MAPK8IP3: variants seen among roughly 807,000 people sequenced by gnomAD.
MAPK8IP3 encodes the protein C-Jun-amino-terminal kinase-interacting protein 3.
In MAPK8IP3, 49 loss-of-function variants were observed where a neutral mutation model predicts 157.8. That is an observed-to-expected ratio of 0.31 (90% CI 0.25 to 0.39). MAPK8IP3 has a LOEUF of 0.39. MAPK8IP3 is among the 10% of genes least tolerant of loss of function. MAPK8IP3 has a pLI of 1.00. For missense variants in MAPK8IP3, 1,478 were observed against 1,889.4 expected (o/e 0.78, Z 4.04); for synonymous variants, 897 against 777.7 (o/e 1.15, Z -2.55).
intron 8 of MAPK8IP3, among the ~76,000 whole-genome samples, chr16:1,755,636 C>T (rs1199926357): frequency 6.6e-6 from 1 of 151,950 alleles, no homozygotes; most frequent in East Asian, 1.9e-4. Flanking sequence ...ATCACGAGGT[C>T]AAGAGATCGA....
At chr16:1,739,454 G>A (rs1353030783) in intron 4 of MAPK8IP3, among the ~76,000 whole-genome samples, 17 of 135,334 alleles carry the variant, frequency 1.3e-4, no homozygotes, top group Admixed American at 2.9e-4. Flanking sequence ...GTGACCGTCC[G>A]TGTGAGCTTC....
chr16:1,712,320 C>T (rs1199855881), intron 1 of MAPK8IP3, among the ~76,000 whole-genome samples: 1 of 151,948 alleles, frequency 6.6e-6, no homozygotes, highest in Non-Finnish European at 1.5e-5. Context: ...CTCGGCCTCC[C>T]AAAGTGCTGG....
chr16:1,753,271 CTT>C (rs932359123), intron 8 of MAPK8IP3, among the ~76,000 whole-genome samples: 3 of 152,056 alleles, frequency 2.0e-5, no homozygotes, highest in Admixed American at 2.0e-4. Context: ...AATTTTAAGA[CTT>C]TTTTGTTTGT....
chr16:1,732,884 C>T (rs1226911753), intron 4 of MAPK8IP3, among the ~76,000 whole-genome samples: 1 of 152,244 alleles, frequency 6.6e-6, no homozygotes, highest in African/African-American at 2.4e-5. Context: ...ACCTGGAGCA[C>T]CATGAGAACT....
At chr16:1,711,823 C>T (rs1320337862) in intron 1 of MAPK8IP3, among the ~76,000 whole-genome samples, 1 of 151,742 alleles carries the variant, frequency 6.6e-6, no homozygotes, top group African/African-American at 2.4e-5. Flanking sequence ...ACCTGTACTC[C>T]CAGCTACTTG....
rs577286680 is a variant in MAPK8IP3, at chr16:1,750,159, T to C, written c.1216+1439T>C. ...ATCCTGCTAAATAGGGGTAATCTCT[T>C]TTAATATTTTGCTATCCTTCCACTC... On this transcript the variant is annotated intron_variant, in intron 8 of 31. Coordinates refer to ENST00000610761, the MANE Select transcript of MAPK8IP3 (RefSeq NM_001318852.2). Among the ~76,000 whole-genome samples the C allele has an allele frequency of 1.2e-4, 19 of 152,334 alleles. No individual in the cohort carries two copies. In the South Asian group the frequency reaches 3.1e-3, roughly 25 times the overall value.
At chr16:1,732,060 C>T (rs2039351670) in intron 4 of MAPK8IP3, among the ~76,000 whole-genome samples, 1 of 152,156 alleles carries the variant, frequency 6.6e-6, no homozygotes, top group Non-Finnish European at 1.5e-5. Flanking sequence ...GCTGCAGGCC[C>T]CAGGGAGCAG....
intron 4 of MAPK8IP3, among the ~76,000 whole-genome samples, chr16:1,739,411 AGCATCCCT>A (rs1437049909): frequency 4.9e-5 from 6 of 123,322 alleles, no homozygotes; most frequent in Admixed American, 1.7e-4. Flanking sequence ...CGTCCATGTG[AGCATCCCT>A]GTGACCGTCC....
At chr16:1,761,148 GC>G in intron 12 of MAPK8IP3, 75 bp from the exon 13 acceptor site, 1 of 1,166,560 alleles carries the variant, frequency 8.6e-7, no homozygotes, top group Non-Finnish European at 1.3e-6. Context: ...CAGGTTCGGG[GC>G]GGGCACTGCC....
chr16:1,768,048 A>C (rs776686240), intron 28 of MAPK8IP3, 21 bp from the exon 29 acceptor site: 2 of 1,612,044 alleles, frequency 1.2e-6, no homozygotes, highest in Non-Finnish European at 1.7e-6. Flanking sequence ...CTCTTCTCCC[A>C]TGCTCCTCCC....
At position 1,710,623 on chromosome 16, in the gene MAPK8IP3, G is replaced by T. The variant is rs1006689331; in HGVS notation, c.318+3966G>T. Among the ~76,000 whole-genome samples, 1 of 152,054 alleles carries T rather than the reference G, an allele frequency of 6.6e-6. No homozygotes were observed. Among genetic ancestry groups the T allele is most frequent in the African/African-American group, 2.4e-5 (1 of 41,392 alleles). On this transcript the variant is annotated intron_variant, in intron 1 of 31. Transcript: ENST00000610761. The surrounding 1 kb of genome is among the most constrained non-coding windows in gnomAD (Gnocchi z 4.1). ...TTTTCCTTCTTTTTTTCTCCTCTGC[G>T]CCAGACGATCTGCAGGAAGTCTTTT...
rs201201035 is a variant in MAPK8IP3, at chr16:1,768,283, C to T, written c.3647C>T (p.Ala1216Val). ...TATGGCGATGACAGCAGTGACAGGG[C>T]GGCCAGCAGCTTCATCCCCTACTGC... ...HVYGDDSSDR[A>V]ASSFIPYCSM... The change falls in exon 30 of 32, where the codon GCG becomes GTG. Residue 1216 changes from alanine (A) to valine (V), a missense_variant. Physicochemically the swap from Ala to Val is moderately conservative, Grantham distance 64. Around this residue, in one of 11 missense-constraint regions of MAPK8IP3, gnomAD observed 83 missense variants for 85.3 expected, o/e 0.97. Coordinates refer to ENST00000610761, the MANE Select transcript of MAPK8IP3 (RefSeq NM_001318852.2). The T allele has an allele frequency of 1.6e-5, 26 of 1,611,320 alleles. No individual in the cohort carries two copies. Among genetic ancestry groups the T allele is most frequent in the Admixed American group, 8.3e-5 (5 of 60,024 alleles).
rs746926041 is a variant in MAPK8IP3, at chr16:1,767,659, C to T, written c.3333C>T (p.Thr1111=). 7 of 1,612,768 alleles carry T rather than the reference C, an allele frequency of 4.3e-6. No individual in the cohort carries two copies. The highest frequency in any genetic ancestry group is 5.1e-6 in the Non-Finnish European group (6 of 1,179,980). ...GVWVSIRLDS[T]LRLYHAHTHQ... is the part of the protein sequence containing the mutation. ...GGGTGTCCATCCGCCTGGACTCCACCCTGAGGCTCTACCATGCACACACGC... is the reference window on the plus strand; with the variant it reads ...GGGTGTCCATCCGCCTGGACTCCACTCTGAGGCTCTACCATGCACACACGC... Residue 1111 remains threonine, a synonymous_variant, in exon 27 of 32, where the codon ACC becomes ACT. Transcript: ENST00000610761.
rs2037411570 is a variant in MAPK8IP3, at chr16:1,706,738, G to A, written c.318+81G>A. 1.0e-5 allele frequency: 13 copies of A among 1,297,564 alleles called. No individual in the cohort carries two copies. The highest frequency in any genetic ancestry group is 3.1e-5 in the South Asian group (2 of 63,550). 80.4% of individuals were successfully genotyped at this position (1,297,564 alleles called of 1,614,324 possible). The stretch of plus-strand genomic sequence containing the variant: ...GGGCCCCGGACCCAACACCCGTCCC[G>A]ACCCCAGACCCCGCTCCGGCACCCC... On this transcript the variant is annotated intron_variant, in intron 1 of 31. Coordinates refer to ENST00000610761, the MANE Select transcript of MAPK8IP3 (RefSeq NM_001318852.2). The surrounding 1 kb of genome is among the most constrained non-coding windows in gnomAD (Gnocchi z 5.1).
intron 9 of MAPK8IP3, 122 bp from the exon 10 acceptor site, chr16:1,758,856 C>G: frequency 9.7e-7 from 1 of 1,027,968 alleles, no homozygotes; most frequent in Non-Finnish European, 1.5e-6. Context: ...CCCAGCAGAC[C>G]CAGCTCTGAA....
chr16:1,737,073 CGT>C (rs1258271284), intron 4 of MAPK8IP3, among the ~76,000 whole-genome samples: 18 of 55,164 alleles, frequency 3.3e-4, no homozygotes, highest in Admixed American at 1.1e-3. Flanking sequence ...TCCGTGTGAG[CGT>C]GTGACCGTCC....
At chr16:1,760,699 C>T (rs533529591) in intron 12 of MAPK8IP3, among the ~76,000 whole-genome samples, 167 bp downstream of exon 12, 25 of 152,322 alleles carry the variant, frequency 1.6e-4, no homozygotes, top group African/African-American at 4.8e-4. Flanking sequence ...AGAGTGGGGC[C>T]GTGGTCTCCT....
rs928457770 is a variant in MAPK8IP3, at chr16:1,768,678, CGTCA to C, written c.3893-24_3893-21del. The C allele has an allele frequency of 3.1e-6, 5 of 1,611,290 alleles. No individual in the cohort carries two copies. The African/African-American group carries it at 6.7e-5, about 22-fold the overall frequency. On this transcript the variant is annotated intron_variant, in intron 31 of 31. Coordinates refer to ENST00000610761, the MANE Select transcript of MAPK8IP3 (RefSeq NM_001318852.2). ...AGGTTGGGCGCGGGGGGAGCCTGGC[CGTCA>C]CTCTGCTGCTTTGCCCGCAGGAGAC...
In MAPK8IP3 at chr16:1,706,366, C is replaced by T; in HGVS notation, c.27C>T (p.Gly9=). MMEIQMDE[G]GGVVVYQDDY... ...TGATGGAGATCCAGATGGACGAGGG[C>T]GGCGGCGTGGTGGTGTACCAGGACG... is the stretch of plus-strand genomic sequence containing the variant. The change falls in exon 1 of 32, where the codon GGC becomes GGT. Residue 9 remains glycine, a synonymous_variant. Transcript: ENST00000610761. The surrounding 1 kb of genome is among the most constrained non-coding windows in gnomAD (Gnocchi z 5.1). 1 of 1,602,578 alleles carries T rather than the reference C, an allele frequency of 6.2e-7. No homozygotes were observed. Among genetic ancestry groups the T allele is most frequent in the Non-Finnish European group, 8.5e-7 (1 of 1,175,220 alleles).
Sources: allele counts gnomAD v4.1 joint callset (sites outside exome capture counted in the v4.1 genomes callset), GRCh38; gene constraint gnomAD v4.1.1; regional missense constraint gnomAD v4.1.1; non-coding constraint Gnocchi (gnomAD v3.1); transcripts MANE v1.5; gene names NCBI Gene and HGNC (gene_info 2026-07-23, HGNC 2026-07-21).